Variants in HECTD4 observed in about 807,000 individuals in gnomAD.
HECTD4 encodes HECT domain E3 ubiquitin protein ligase 4, also known as probable E3 ubiquitin-protein ligase HECTD4.
HECTD4 carries 114 observed loss-of-function variants against 471.5 expected under a neutral mutation model. The observed-to-expected ratio is 0.24, with a 90% confidence interval of 0.21 to 0.28. The LOEUF (loss-of-function observed/expected upper bound fraction) is 0.28. Among genes scored for constraint, HECTD4 ranks in the 10% least tolerant of loss-of-function variants. The probability of loss-of-function intolerance (pLI) is 1.00; values close to 1 mark genes in which losing one functional copy is unlikely to be tolerated. For synonymous variants in HECTD4, 2,012 were observed against 2,256.0 expected (o/e 0.89, Z 3.07); for missense variants, 3,866 against 5,651.5 (o/e 0.68, Z 10.13).
chr12:112,234,060 T>A (rs1232799012), intron 37 of HECTD4, among the ~76,000 whole-genome samples: 1 of 152,230 alleles, frequency 6.6e-6, no homozygotes, highest in African/African-American at 2.4e-5. Context: ...ATAAGGTATT[T>A]GTAATTCTTA....
At chr12:112,345,849 C>T (rs971233878) in intron 1 of HECTD4, among the ~76,000 whole-genome samples, 14 of 152,116 alleles carry the variant, frequency 9.2e-5, no homozygotes, top group African/African-American at 2.4e-4. Context: ...GAGCAGAGAT[C>T]GTGCCACTGC....
At position 112,203,686 on chromosome 12, in the gene HECTD4, C is replaced by G; in HGVS notation, c.8356G>C (p.Gly2786Arg). ...GTALPKFAIR[G>R]MLKTFGLHGV... ...TGAAGCCCAAAGGTTTTCAGCATCC[C>G]TCGGATGGCAAATTTTGGCAGAGCA... Residue 2786 changes from glycine (G) to arginine (R), a missense_variant, in exon 54 of 76, where the codon GGG (glycine) becomes CGG (arginine). This residue lies in a region of HECTD4 where 266 missense variants were observed against 441.6 expected (regional missense o/e 0.60). Coordinates refer to ENST00000682272, the MANE Select transcript of HECTD4 (RefSeq NM_001388303.1). 1.2e-6 allele frequency: 2 copies of G among 1,613,414 alleles called. No homozygotes were observed. The highest frequency in any genetic ancestry group is 8.5e-7 in the Non-Finnish European group (1 of 1,179,680).
At position 112,193,030 on chromosome 12, in the gene HECTD4, A is replaced by G. The variant is rs750147260; in HGVS notation, c.9086+31T>C. On this transcript the variant is annotated intron_variant, in intron 58 of 75. Transcript: ENST00000682272. This position sits in a 1 kb window ranked among gnomAD's most constrained non-coding sequence, Gnocchi z 5.2. ...GAATTCATTTAGCTTTCCTCTCCCC[A>G]TCACCATCTTCTTGAGAACAGGCAA... 6.2e-7 allele frequency: 1 copy of G among 1,612,878 alleles called. No homozygotes were observed. The highest frequency in any genetic ancestry group is 1.1e-5 in the South Asian group (1 of 90,916).
chr12:112,377,057 A>G (rs947080897), intron 1 of HECTD4, among the ~76,000 whole-genome samples: 1 of 152,180 alleles, frequency 6.6e-6, no homozygotes, highest in Non-Finnish European at 1.5e-5. Flanking sequence ...GGCTGCAGTG[A>G]GCAGAGATGG....
intron 1 of HECTD4, among the ~76,000 whole-genome samples, chr12:112,376,082 A>C (rs192628573): frequency 6.6e-6 from 1 of 152,208 alleles, no homozygotes; most frequent in African/African-American, 2.4e-5. Context: ...GTCTAAAAAA[A>C]AATAATAATA....
In HECTD4 at chr12:112,192,549, T is replaced by A. The variant is rs1241480190; in HGVS notation, c.9292+11A>T. 6.5e-7 allele frequency: 1 copy of A among 1,540,978 alleles called. No homozygotes were observed. The highest frequency in any genetic ancestry group is 2.0e-5 in the Admixed American group (1 of 51,086). On this transcript the variant is annotated intron_variant, in intron 59 of 75. Coordinates refer to ENST00000682272, the MANE Select transcript of HECTD4 (RefSeq NM_001388303.1). ...AGCTGTTCTCATCATGACAAGCTGC[T>A]GGAGACTCACCCAGTTTGATGTGGA...
At chr12:112,229,369 A>C (rs1343463996) in intron 41 of HECTD4, among the ~76,000 whole-genome samples, 2 of 151,692 alleles carry the variant, frequency 1.3e-5, no homozygotes, top group East Asian at 3.8e-4. Context: ...CAAACTTGTT[A>C]CTGCTGTTTA....
At chr12:112,359,710 C>T (rs376425399) in intron 1 of HECTD4, among the ~76,000 whole-genome samples, 32 of 152,152 alleles carry the variant, frequency 2.1e-4, no homozygotes, top group African/African-American at 7.5e-4. Flanking sequence ...TGAGCCACCG[C>T]GCCTGGCCTA....
At chr12:112,334,216 T>C (rs1298889198) in intron 1 of HECTD4, among the ~76,000 whole-genome samples, 1 of 142,980 alleles carries the variant, frequency 7.0e-6, no homozygotes, top group Non-Finnish European at 1.5e-5. Context: ...CTTAAATAAA[T>C]AAATAAATAA....
rs1381910445 is a variant in HECTD4, at chr12:112,162,160, C to T, written c.*227G>A. On this transcript the variant is annotated 3_prime_UTR_variant, in exon 76 of 76. Coordinates refer to ENST00000682272, the MANE Select transcript of HECTD4 (RefSeq NM_001388303.1). This position sits in a 1 kb window ranked among gnomAD's most constrained non-coding sequence, Gnocchi z 5.2. ...CAAACTGTCTGGGAACTAAACTATC[C>T]TACAAATAGACCACAAACAGGCAGC... The T allele has an allele frequency of 7.5e-6, 4 of 534,128 alleles. No individual in the cohort carries two copies. The highest frequency in any genetic ancestry group is 6.4e-5 in the Admixed American group (2 of 31,172). The allele number at this position is 534,128 out of a possible 1,614,324, so 33.1% of individuals were successfully genotyped here. A position where few individuals can be genotyped will look rare whatever the true frequency, so the allele number is the denominator to read the frequency against.
intron 16 of HECTD4, among the ~76,000 whole-genome samples, chr12:112,264,805 C>T (rs1396202050): frequency 2.6e-5 from 4 of 152,198 alleles, no homozygotes; most frequent in Non-Finnish European, 2.9e-5. Flanking sequence ...TGCTCTGTCA[C>T]CCAGGCTGGA....
intron 13 of HECTD4, among the ~76,000 whole-genome samples, chr12:112,269,161 CCG>C (rs1337512918): frequency 7.2e-5 from 11 of 152,092 alleles, no homozygotes; most frequent in African/African-American, 2.2e-4. Context: ...GCGTGAGCCA[CCG>C]CGCCCGGCCC....
rs1174337781 is a variant in HECTD4, at chr12:112,319,206, T to TA, written c.695+18dup. On this transcript the variant is annotated intron_variant, in intron 2 of 75. Transcript: ENST00000682272. This position sits in a 1 kb window ranked among gnomAD's most constrained non-coding sequence, Gnocchi z 5.3. ...CAGTAGTCACAAGGTCACCAAATGATACATTCGATTTTCCTTACCTGGCAC... is the reference window on the plus strand; with the variant it reads ...CAGTAGTCACAAGGTCACCAAATGATAACATTCGATTTTCCTTACCTGGCAC... 6.5e-7 allele frequency: 1 copy of TA among 1,535,496 alleles called. No homozygotes were observed. Among genetic ancestry groups the TA allele is most frequent in the Non-Finnish European group, 8.7e-7 (1 of 1,146,566 alleles).
chr12:112,231,830 C>T, intron 38 of HECTD4, 115 bp from the exon 39 acceptor site: 1 of 857,790 alleles, frequency 1.2e-6, no homozygotes, highest in Non-Finnish European at 1.8e-6. Context: ...TTTTTTAATT[C>T]AAACATAAAA....
Position 112,236,967 on chromosome 12 carries a change from T to C in HECTD4, c.5422A>G (p.Ser1808Gly). 1 of 1,612,716 alleles carries C rather than the reference T, an allele frequency of 6.2e-7. No individual in the cohort carries two copies. Among genetic ancestry groups the C allele is most frequent in the Non-Finnish European group, 8.5e-7 (1 of 1,179,486 alleles). ...AGNDALQDVL[S>G]LLNDLSRSHI... The stretch of plus-strand genomic sequence containing the variant: ...TACCTTGAGAGATCATTGAGAAGAC[T>C]AAGGACATCCTGGAGCGCGTCATTC... Residue 1808 changes from serine to glycine, a missense_variant, in exon 35 of 76, where the codon AGT (serine) becomes GGT (glycine). This residue lies in a region of HECTD4 where 229 missense variants were observed against 386.4 expected (regional missense o/e 0.59). Coordinates refer to ENST00000682272, the MANE Select transcript of HECTD4 (RefSeq NM_001388303.1).
At chr12:112,202,609 TTGA>T (rs1415195475) in intron 54 of HECTD4, among the ~76,000 whole-genome samples, 1 of 152,240 alleles carries the variant, frequency 6.6e-6, no homozygotes, top group African/African-American at 2.4e-5. Flanking sequence ...TATACAGTGA[TTGA>T]TGATATTAAT....
intron 6 of HECTD4, among the ~76,000 whole-genome samples, chr12:112,306,798 T>C (rs1308722063): frequency 2.6e-5 from 4 of 151,958 alleles, no homozygotes; most frequent in Admixed American, 6.6e-5. Context: ...AAGTAAAAAA[T>C]ATAAAGGCCC....
At chr12:112,353,965 C>T (rs778957197) in intron 1 of HECTD4, among the ~76,000 whole-genome samples, 1 of 152,258 alleles carries the variant, frequency 6.6e-6, no homozygotes, top group East Asian at 1.9e-4. Flanking sequence ...CCCAGCTACT[C>T]AGGAGGCAGA....
rs1274083056 is a variant in HECTD4, at chr12:112,241,072, G to A, written c.4959-1045C>T. On this transcript the variant is annotated intron_variant, in intron 32 of 75. Coordinates refer to ENST00000682272, the MANE Select transcript of HECTD4 (RefSeq NM_001388303.1). ...GCTACAGAACCACTAAGAACACTACGGGAGACATCTACAGTTAGAACACAG... is the reference window on the plus strand; with the variant it reads ...GCTACAGAACCACTAAGAACACTACAGGAGACATCTACAGTTAGAACACAG... Among the ~76,000 whole-genome samples the A allele has an allele frequency of 2.6e-5, 4 of 152,206 alleles. No individual in the cohort carries two copies. The South Asian group carries it at 6.2e-4, about 24-fold the overall frequency.
Sources: allele counts gnomAD v4.1 joint callset (sites outside exome capture counted in the v4.1 genomes callset), GRCh38; gene constraint gnomAD v4.1.1; regional missense constraint gnomAD v4.1.1; non-coding constraint Gnocchi (gnomAD v3.1); transcripts MANE v1.5; gene names NCBI Gene and HGNC (gene_info 2026-07-23, HGNC 2026-07-21).